The following TBC1D22A variants were observed in gnomAD, a reference collection of about 807,000 sequenced individuals.
TBC1D22A encodes TBC1 domain family member 22A.
In TBC1D22A, 38 loss-of-function variants were observed where a neutral mutation model predicts 60.2. The ratio of observed to expected loss-of-function variants is 0.63; its 90% CI spans 0.49 to 0.83. The LOEUF (loss-of-function observed/expected upper bound fraction) is 0.83, where lower values mean the gene tolerates loss of function less well. Ranked by LOEUF, TBC1D22A falls within the 40% of genes least tolerant of loss-of-function variation. The pLI, the probability that TBC1D22A is intolerant of heterozygous loss-of-function variation, is 0.00. For synonymous variants in TBC1D22A, 302 were observed against 281.7 expected (o/e 1.07, Z -0.72); for missense variants, 628 against 701.0 (o/e 0.90, Z 1.18).
At chr22:46,792,689 G>A in intron 2 of TBC1D22A, 113 bp downstream of exon 2, 1 of 1,603,604 alleles carries the variant, frequency 6.2e-7, no homozygotes, top group East Asian at 2.2e-5. Context: ...GGAGGAGACT[G>A]GTTTCTCATT....
In TBC1D22A at chr22:46,981,648, A is replaced by G. The variant is rs2074516155; in HGVS notation, c.1125+7249A>G. Among the ~76,000 whole-genome samples the G allele has an allele frequency of 2.0e-5, 3 of 152,196 alleles. No homozygotes were observed. The South Asian group carries it at 6.2e-4, about 32-fold the overall frequency. On this transcript the variant is annotated intron_variant, in intron 9 of 12. Coordinates refer to ENST00000337137, the MANE Select transcript of TBC1D22A (RefSeq NM_014346.5). ...GTACTTCTCCTCCCTGCTGCCCTGC[A>G]AAGAACGTGCCTCTTCCTCTTTGTC...
At chr22:46,778,426 G>T (rs2083793850) in intron 1 of TBC1D22A, among the ~76,000 whole-genome samples, 2 of 152,030 alleles carry the variant, frequency 1.3e-5, no homozygotes, top group Non-Finnish European at 2.9e-5. Flanking sequence ...TCCTGACTCG[G>T]TAAGCTTTTT....
At chr22:46,845,268 G>A (rs567489735) in intron 4 of TBC1D22A, among the ~76,000 whole-genome samples, 4 of 152,204 alleles carry the variant, frequency 2.6e-5, no homozygotes, top group African/African-American at 4.8e-5. Context: ...ACGTAAGGAC[G>A]TCTGTGCTTG....
chr22:46,935,885 T>C (rs943847055), intron 8 of TBC1D22A, among the ~76,000 whole-genome samples: 1 of 152,054 alleles, frequency 6.6e-6, no homozygotes, highest in African/African-American at 2.4e-5. Flanking sequence ...GCTGTCGCGC[T>C]GTCTCCTGGC....
chr22:46,837,481 G>T (rs1484754841), intron 4 of TBC1D22A, among the ~76,000 whole-genome samples: 1 of 152,122 alleles, frequency 6.6e-6, no homozygotes, highest in Non-Finnish European at 1.5e-5. Flanking sequence ...CTCCAGATTA[G>T]ATCATTTATT....
At chr22:46,878,630 C>T (rs2067690295) in intron 4 of TBC1D22A, 23 bp from the exon 5 acceptor site, 2 of 1,612,202 alleles carry the variant, frequency 1.2e-6, no homozygotes, top group African/African-American at 2.7e-5. Flanking sequence ...CTTGTTTTTC[C>T]TTGTCTCTTT....
chr22:47,069,102 G>A (rs1348993682), intron 11 of TBC1D22A, among the ~76,000 whole-genome samples: 1 of 152,128 alleles, frequency 6.6e-6, no homozygotes, highest in Non-Finnish European at 1.5e-5. Context: ...ATAACATTAA[G>A]TGGCTAATTA....
chr22:46,974,322 G>T lies in TBC1D22A; in HGVS notation c.1048G>T (p.Gly350Cys). The T allele has an allele frequency of 6.2e-7, 1 of 1,604,508 alleles. No individual in the cohort carries two copies. Among genetic ancestry groups the T allele is most frequent in the Non-Finnish European group, 8.5e-7 (1 of 1,175,812 alleles). ...AEEVDTVDVS[G>C]VPAEVLCNIE... ...GGAGGTGGACACGGTGGACGTCTCC[G>T]GCGTGCCCGCAGAGGTGCTGTGCAA... The change falls in exon 9 of 13, where the codon GGC (glycine) becomes TGC (cysteine). Residue 350 changes from glycine to cysteine, a missense_variant. Gly to Cys is a radical substitution (Grantham distance 159). Transcript: ENST00000337137.
chr22:47,100,663 C>A (rs142472134), intron 11 of TBC1D22A, among the ~76,000 whole-genome samples: 4 of 152,352 alleles, frequency 2.6e-5, no homozygotes, highest in East Asian at 1.9e-4. Context: ...CCACGTAAGA[C>A]GTGACTTGCT....
At chr22:46,984,939 T>C (rs1288437547) in intron 9 of TBC1D22A, among the ~76,000 whole-genome samples, 1 of 152,190 alleles carries the variant, frequency 6.6e-6, no homozygotes, top group Admixed American at 6.5e-5. Flanking sequence ...GGGGAAGCCC[T>C]GTCCTGCACA....
chr22:46,944,806 A>T (rs912865519), intron 8 of TBC1D22A, among the ~76,000 whole-genome samples: 1 of 152,248 alleles, frequency 6.6e-6, no homozygotes, highest in African/African-American at 2.4e-5. Context: ...CTTTTATTTT[A>T]TCGTGATTAC....
chr22:46,863,234 G>A (rs2066900627), intron 4 of TBC1D22A, among the ~76,000 whole-genome samples: 1 of 152,190 alleles, frequency 6.6e-6, no homozygotes, highest in Non-Finnish European at 1.5e-5. Context: ...TCTCCAGGTG[G>A]TCACTCTCCA....
chr22:46,890,731 A>T (rs556384440), intron 5 of TBC1D22A, among the ~76,000 whole-genome samples: 2 of 152,190 alleles, frequency 1.3e-5, no homozygotes, highest in East Asian at 3.9e-4. Flanking sequence ...ATGTACTGAG[A>T]CTGCAGCTGC....
intron 4 of TBC1D22A, among the ~76,000 whole-genome samples, chr22:46,832,378 C>T (rs776971693): frequency 1.7e-4 from 26 of 152,348 alleles, no homozygotes; most frequent in Middle Eastern, 6.8e-3. Context: ...GGGCCGGGCG[C>T]AGTGGCTCAC....
At chr22:46,860,814 G>C (rs1057455646) in intron 4 of TBC1D22A, among the ~76,000 whole-genome samples, 2 of 152,154 alleles carry the variant, frequency 1.3e-5, no homozygotes, top group African/African-American at 2.4e-5. Flanking sequence ...AGGTCCTCTC[G>C]GGCTCGAGTG....
At chr22:46,942,969 C>G (rs1602590587) in intron 8 of TBC1D22A, among the ~76,000 whole-genome samples, 1 of 152,228 alleles carries the variant, frequency 6.6e-6, no homozygotes, top group Admixed American at 6.5e-5. Flanking sequence ...CACGGAGGTG[C>G]GTCACCCAGG....
At chr22:47,130,224 C>T (rs918777601) in intron 12 of TBC1D22A, among the ~76,000 whole-genome samples, 3 of 152,228 alleles carry the variant, frequency 2.0e-5, no homozygotes, top group East Asian at 1.9e-4. Flanking sequence ...GTTACCGGAG[C>T]GGGCGTGTCT....
In TBC1D22A at chr22:46,773,406, C is replaced by T. The variant is rs115769830; in HGVS notation, c.62+10558C>T. Among the ~76,000 whole-genome samples the T allele has an allele frequency of 2.5e-3, 379 of 152,306 alleles. 4 individuals are homozygous for T. The highest frequency in any genetic ancestry group is 8.5e-3 in the African/African-American group (355 of 41,560). ...CGCTCAGAACTGAGGTGGCTGGGGC[C>T]TTGGTGTCACACCTCACGCTAGGGA... On this transcript the variant is annotated intron_variant, in intron 1 of 12. Transcript: ENST00000337137.
At chr22:47,170,001 G>A (rs1212763186) in intron 12 of TBC1D22A, among the ~76,000 whole-genome samples, 2 of 152,252 alleles carry the variant, frequency 1.3e-5, no homozygotes, top group Non-Finnish European at 2.9e-5. Flanking sequence ...CCTGCCTGGT[G>A]TGGGTGATGC....
Sources: allele counts gnomAD v4.1 joint callset (sites outside exome capture counted in the v4.1 genomes callset), GRCh38; gene constraint gnomAD v4.1.1; transcripts MANE v1.5; gene names NCBI Gene and HGNC (gene_info 2026-07-23, HGNC 2026-07-21).